The following PRRX2 variants were observed in gnomAD, a reference collection of about 807,000 sequenced individuals.
PRRX2 encodes the protein paired mesoderm homeobox protein 2.
Under a neutral mutation model 18.0 loss-of-function variants are expected in PRRX2, and 11 were observed. The observed-to-expected ratio is 0.61, with a 90% CI of 0.39 to 1.01. The LOEUF is 1.01. PRRX2 is among the 50% of genes least tolerant of loss of function. PRRX2 has a pLI of 0.01. For synonymous variants in PRRX2, 177 were observed against 154.8 expected, an observed-to-expected ratio of 1.14 and a Z score of -1.06; for missense variants, 387 against 351.0, an observed-to-expected ratio of 1.10 and a Z score of -0.82.
chr9:129,689,278 C>G (rs1832330657), intron 1 of PRRX2, among the ~76,000 whole-genome samples: 9 of 152,194 alleles, frequency 5.9e-5, no homozygotes, highest in Admixed American at 5.2e-4. Flanking sequence ...GGTCACCATG[C>G]TCCCTGAGCC....
chr9:129,683,995 G>A (rs774947572), intron 1 of PRRX2, among the ~76,000 whole-genome samples: 2 of 152,248 alleles, frequency 1.3e-5, no homozygotes, highest in South Asian at 4.1e-4. Flanking sequence ...TCCTAAATTC[G>A]CCCAGAGAGG....
chr9:129,666,397 G>C (rs1281750520), intron 1 of PRRX2, among the ~76,000 whole-genome samples: 10 of 152,198 alleles, frequency 6.6e-5, no homozygotes, highest in Admixed American at 6.5e-4. Flanking sequence ...AACAGCCTGG[G>C]AAGTGGGTGT....
rs1230750941 is a variant in PRRX2 at position 129,712,541 on chromosome 9, T to A, written c.260-6690T>A. The stretch of plus-strand genomic sequence containing the variant: ...TGCCTTTGGCCCCCAGTCAGCCAAC[T>A]AAATGGTACGTGTGAAATAATTTAA... On this transcript the variant is annotated intron_variant, in intron 1 of 3. Transcript: ENST00000372469. 2.6e-5 allele frequency among the ~76,000 whole-genome samples: 4 copies of A among 152,314 alleles called. No homozygotes were observed. In the East Asian group the frequency reaches 7.7e-4, roughly 29 times the overall value.
intron 2 of PRRX2, among the ~76,000 whole-genome samples, chr9:129,720,334 C>G (rs371103208): frequency 3.3e-5 from 5 of 152,298 alleles, no homozygotes; most frequent in African/African-American, 1.2e-4. Context: ...CACCTCGCTC[C>G]CAGTGGCCGA....
chr9:129,721,785 T>C (rs1031004568), intron 3 of PRRX2, among the ~76,000 whole-genome samples: 2 of 152,146 alleles, frequency 1.3e-5, no homozygotes, highest in Non-Finnish European at 2.9e-5. Context: ...TTCAACATGT[T>C]GGCCAGGCTG....
At chr9:129,670,982 C>T (rs140081174) in intron 1 of PRRX2, among the ~76,000 whole-genome samples, 1 of 152,308 alleles carries the variant, frequency 6.6e-6, no homozygotes, top group Non-Finnish European at 1.5e-5. Flanking sequence ...CCTTCCTCTC[C>T]GTGTGTGACC....
Position 129,722,247 on chromosome 9 carries a change from A to G in PRRX2, c.657A>G (p.Ser219=), listed in dbSNP as rs1414520043. Reference sequence around the variant, plus strand: ...TGCCACCCTACAGCCCTGGGAGCTCAGGCCCCGCAACCCCAGGGGTCAACA... The same window carrying G: ...TGCCACCCTACAGCCCTGGGAGCTCGGGCCCCGCAACCCCAGGGGTCAACA... The part of the protein sequence containing the change: ...STVPPYSPGS[S]GPATPGVNMA... The change falls in exon 4 of 4, where the codon TCA becomes TCG. Residue 219 remains serine, a synonymous_variant. Transcript: ENST00000372469. 2 of 1,613,914 alleles carry G rather than the reference A, an allele frequency of 1.2e-6. No individual in the cohort carries two copies. Among genetic ancestry groups the G allele is most frequent in the East Asian group, 4.5e-5 (2 of 44,876 alleles).
intron 1 of PRRX2, among the ~76,000 whole-genome samples, chr9:129,669,064 A>AAAAG (rs143573252): frequency 0.18 from 26,413 of 150,758 alleles, 2,418 homozygotes; most frequent in South Asian, 0.21. Flanking sequence ...GGAGAAAAAA[A>AAAAG]AAAGAAAGAA....
At position 129,691,766 on chromosome 9, in the gene PRRX2, T is replaced by C. The variant is rs775775693; in HGVS notation, c.259+25640T>C. Among the ~76,000 whole-genome samples, 4 of 150,524 alleles carry C rather than the reference T, an allele frequency of 2.7e-5. No homozygotes were observed. The South Asian group carries it at 6.4e-4, about 24-fold the overall frequency. ...TGATCACAGCTCATGGCAGCCTCCA[T>C]CTCCCGGGCTCAAGCCATCCTCCCA... On this transcript the variant is annotated intron_variant, in intron 1 of 3. Coordinates refer to ENST00000372469, the MANE Select transcript of PRRX2 (RefSeq NM_016307.4).
intron 1 of PRRX2, among the ~76,000 whole-genome samples, chr9:129,710,228 A>T (rs1447707236): frequency 1.3e-4 from 20 of 152,090 alleles, no homozygotes; most frequent in Non-Finnish European, 1.5e-5. Context: ...GACCCCAAAG[A>T]GGCAGGGACC....
Position 129,715,149 on chromosome 9 carries a change from G to T in PRRX2, c.260-4082G>T, listed in dbSNP as rs966500906. ...CCCACTGCCCCCACAGCCCCCGCCT[G>T]GTCCCGTATGTTTGCAAGTATTTCC... On this transcript the variant is annotated intron_variant, in intron 1 of 3. Transcript: ENST00000372469. The surrounding 1 kb of genome is among the most constrained non-coding windows in gnomAD (Gnocchi z 4.0). Among the ~76,000 whole-genome samples the T allele has an allele frequency of 1.3e-5, 2 of 152,128 alleles. No homozygotes were observed. The highest frequency in any genetic ancestry group is 4.8e-5 in the African/African-American group (2 of 41,420).
chr9:129,703,102 A>C (rs1832516658), intron 1 of PRRX2, among the ~76,000 whole-genome samples: 1 of 152,198 alleles, frequency 6.6e-6, no homozygotes. Context: ...GGAGATGTCG[A>C]AGATGGCCCC....
rs1832802605 is a variant in PRRX2 at position 129,722,250 on chromosome 9, C to A, written c.660C>A (p.Gly220=). ...TVPPYSPGSS[G]PATPGVNMAN... ...CACCCTACAGCCCTGGGAGCTCAGG[C>A]CCCGCAACCCCAGGGGTCAACATGG... The change falls in exon 4 of 4, where the codon GGC becomes GGA. Residue 220 remains glycine (G), a synonymous_variant. Coordinates refer to ENST00000372469, the MANE Select transcript of PRRX2 (RefSeq NM_016307.4). 6.2e-7 allele frequency: 1 copy of A among 1,613,964 alleles called. No individual in the cohort carries two copies. Among genetic ancestry groups the A allele is most frequent in the South Asian group, 1.1e-5 (1 of 91,072 alleles).
chr9:129,722,223 G>A lies in PRRX2; in HGVS notation c.633G>A (p.Val211=). The change falls in exon 4 of 4, where the codon GTG becomes GTA. Residue 211 remains valine (V), a synonymous_variant. Coordinates refer to ENST00000372469, the MANE Select transcript of PRRX2 (RefSeq NM_016307.4). ...TGTCTCATGTCGCCCCCAGCACAGT[G>A]CCACCCTACAGCCCTGGGAGCTCAG... ...SWTASSPYST[V]PPYSPGSSGP... 6.2e-7 allele frequency: 1 copy of A among 1,613,600 alleles called. No individual in the cohort carries two copies. The highest frequency in any genetic ancestry group is 8.5e-7 in the Non-Finnish European group (1 of 1,179,826).
rs200213870 is a variant in PRRX2, at chr9:129,699,423, CA to C, written c.260-19800del. ...TGGGCAACAGGGCAAGACTCTGTCT[CA>C]AAAAAAATATATATATGTGTGTGTG... On this transcript the variant is annotated intron_variant, in intron 1 of 3. Transcript: ENST00000372469. Among the ~76,000 whole-genome samples, 5 of 147,274 alleles carry C rather than the reference CA, an allele frequency of 3.4e-5. No individual in the cohort carries two copies. The South Asian group carries it at 6.5e-4, about 19-fold the overall frequency.
At chr9:129,697,963 G>C (rs1832448108) in intron 1 of PRRX2, among the ~76,000 whole-genome samples, 1 of 152,092 alleles carries the variant, frequency 6.6e-6, no homozygotes, top group East Asian at 2.0e-4. Context: ...GTGGAGGTTG[G>C]AGGGTTTTAA....
intron 1 of PRRX2, among the ~76,000 whole-genome samples, chr9:129,700,109 T>C (rs972135831): frequency 6.6e-6 from 1 of 152,254 alleles, no homozygotes; most frequent in African/African-American, 2.4e-5. Flanking sequence ...TGCCAGGCAC[T>C]GCTTTAAGAA....
In PRRX2 at chr9:129,694,946, C is replaced by A. The variant is rs1215530258; in HGVS notation, c.260-24285C>A. 2.6e-5 allele frequency among the ~76,000 whole-genome samples: 4 copies of A among 152,212 alleles called. No homozygotes were observed. In the East Asian group the frequency reaches 7.7e-4, roughly 29 times the overall value. On this transcript the variant is annotated intron_variant, in intron 1 of 3. Coordinates refer to ENST00000372469, the MANE Select transcript of PRRX2 (RefSeq NM_016307.4). ...TCAGCCACCATCCCCTCTCATCAGC[C>A]CCCCAAGACCCACTTGCCTGCAGCT...
At position 129,665,751 on chromosome 9, in the gene PRRX2, G is replaced by T; in HGVS notation, c.-117G>T. ...CGGGCGGGCCGCGAGGCTAGGAGGCGGCGGGAGCTGGGCAGAGCGCGGGGC... is the reference window on the plus strand; with the variant it reads ...CGGGCGGGCCGCGAGGCTAGGAGGCTGCGGGAGCTGGGCAGAGCGCGGGGC... On this transcript the variant is annotated 5_prime_UTR_variant, in exon 1 of 4. Coordinates refer to ENST00000372469, the MANE Select transcript of PRRX2 (RefSeq NM_016307.4). This position sits in a 1 kb window ranked among gnomAD's most constrained non-coding sequence, Gnocchi z 5.3. 1.3e-6 allele frequency: 1 copy of T among 771,502 alleles called. No individual in the cohort carries two copies. Among genetic ancestry groups the T allele is most frequent in the Non-Finnish European group, 1.6e-6 (1 of 631,572 alleles). The allele number at this position is 771,502 out of a possible 1,614,324, so 47.8% of individuals were successfully genotyped here.
Sources: gnomAD v4.1 joint callset for allele counts (sites outside exome capture counted in the v4.1 genomes callset) on GRCh38, gnomAD v4.1.1 for gene constraint, Gnocchi (gnomAD v3.1) non-coding constraint, MANE v1.5 for transcripts, NCBI Gene and HGNC (gene_info 2026-07-23, HGNC 2026-07-21) for gene names.